The following TAPT1 variants were observed in gnomAD, a reference collection of about 807,000 sequenced individuals.
The protein encoded by TAPT1 is transmembrane anterior posterior transformation 1.
TAPT1 carries 28 observed loss-of-function variants against 65.6 expected under a neutral mutation model. The observed-to-expected ratio is 0.43, with a 90% CI of 0.32 to 0.59. The LOEUF is 0.59. TAPT1 is among the 20% of genes least tolerant of loss of function. The pLI is 0.09. For synonymous variants in TAPT1, 278 were observed against 245.2 expected (o/e 1.13, Z -1.25); for missense variants, 563 against 679.9 (o/e 0.83, Z 1.91).
At chr4:16,203,554 G>A (rs1329295609) in intron 2 of TAPT1, among the ~76,000 whole-genome samples, 1 of 152,186 alleles carries the variant, frequency 6.6e-6, no homozygotes, top group South Asian at 2.1e-4. Flanking sequence ...ATTAGGGTGG[G>A]CCCTAATCCA....
chr4:16,197,851 A>C (rs1226027296), intron 3 of TAPT1, among the ~76,000 whole-genome samples: 3 of 152,146 alleles, frequency 2.0e-5, no homozygotes, highest in African/African-American at 7.2e-5. Context: ...TGCATTTTCT[A>C]ATTTTTTTTT....
intron 3 of TAPT1, among the ~76,000 whole-genome samples, chr4:16,193,566 C>G (rs1749513449): frequency 6.6e-6 from 1 of 152,184 alleles, no homozygotes; most frequent in South Asian, 2.1e-4. Flanking sequence ...AAGATAATTT[C>G]CTGCCCTTAT....
At chr4:16,174,975 C>A in intron 9 of TAPT1, 1 of 306,918 alleles carries the variant, frequency 3.3e-6, no homozygotes. Context: ...AATAAATATC[C>A]AACGACTATG....
chr4:16,220,922 C>T (rs538535169), intron 1 of TAPT1, among the ~76,000 whole-genome samples: 1 of 151,874 alleles, frequency 6.6e-6, no homozygotes, highest in African/African-American at 2.4e-5. Flanking sequence ...TTTATAGAGA[C>T]AGGGTTTCAC....
At chr4:16,177,096 T>C (rs2149677422) in intron 8 of TAPT1, among the ~76,000 whole-genome samples, 1 of 152,346 alleles carries the variant, frequency 6.6e-6, no homozygotes, top group South Asian at 2.1e-4. Flanking sequence ...AACCATAGTT[T>C]ACAATAATCT....
chr4:16,207,004 C>T (rs1217910957), intron 2 of TAPT1, among the ~76,000 whole-genome samples: 5 of 152,040 alleles, frequency 3.3e-5, no homozygotes, highest in African/African-American at 1.2e-4. Flanking sequence ...GTGTGACAAG[C>T]CTCGGAGAGA....
Position 16,166,676 on chromosome 4 carries a change from G to T in TAPT1, c.1431C>A (p.Gly477=). Residue 477 remains glycine (G), a synonymous_variant, in exon 13 of 14, where the codon GGC becomes GGA. Transcript: ENST00000405303. ...LSNPPATCTP[G]KPSSKSQNKC... ...TGTTCTGTGATTTACTGGACGGCTT[G>T]CCTGGAGTGCAGGTTGCGGGAGGAT... 6.2e-7 allele frequency: 1 copy of T among 1,614,022 alleles called. No homozygotes were observed. The highest frequency in any genetic ancestry group is 8.5e-7 in the Non-Finnish European group (1 of 1,179,878).
intron 2 of TAPT1, among the ~76,000 whole-genome samples, chr4:16,213,168 C>T (rs1179416114): frequency 6.6e-6 from 1 of 152,138 alleles, no homozygotes; most frequent in Non-Finnish European, 1.5e-5. Flanking sequence ...TCTAGCATCG[C>T]CTAGGGGAGA....
chr4:16,225,630 A>G (rs1298798516), intron 1 of TAPT1, among the ~76,000 whole-genome samples: 2 of 152,264 alleles, frequency 1.3e-5, no homozygotes, highest in African/African-American at 4.8e-5. Context: ...AAAACTGGTC[A>G]TTGAATGTAG....
chr4:16,208,045 G>A (rs1750445892), intron 2 of TAPT1, among the ~76,000 whole-genome samples: 1 of 152,126 alleles, frequency 6.6e-6, no homozygotes, highest in South Asian at 2.1e-4. Flanking sequence ...AAAGAATATT[G>A]CTAAAAGGCT....
Position 16,186,601 on chromosome 4 carries a change from C to T in TAPT1, c.850G>A (p.Val284Ile). ...LLTIMMSNNF[V>I]EIKGSVFKKF... ...TTGAAAACACTTCCTTTAATTTCAA[C>T]AAACTGAAATAGTAAACAGAAATAC... Residue 284 changes from valine to isoleucine, a missense_variant, in exon 7 of 14, where the codon GTT becomes ATT. This residue lies in a region of TAPT1 where 217 missense variants were observed against 317.5 expected (regional missense o/e 0.68). Transcript: ENST00000405303. 1 of 1,524,572 alleles carries T rather than the reference C, an allele frequency of 6.6e-7. No individual in the cohort carries two copies. Among genetic ancestry groups the T allele is most frequent in the Non-Finnish European group, 8.9e-7 (1 of 1,122,110 alleles). The allele number at this position is 1,524,572 out of a possible 1,614,324, so 94.4% of individuals were successfully genotyped here.
chr4:16,165,193 T>C (rs894117171), intron 13 of TAPT1, among the ~76,000 whole-genome samples: 2 of 152,188 alleles, frequency 1.3e-5, no homozygotes, highest in Admixed American at 1.3e-4. Context: ...TGTAGTTACA[T>C]GAGGCCTTGA....
At chr4:16,169,415 C>T (rs1330852533) in intron 12 of TAPT1, among the ~76,000 whole-genome samples, 4 of 152,162 alleles carry the variant, frequency 2.6e-5, no homozygotes, top group Admixed American at 6.5e-5. Context: ...AACACCACTT[C>T]GTAAACACAG....
intron 13 of TAPT1, 103 bp downstream of exon 13, chr4:16,166,530 T>A (rs567296380): frequency 7.0e-7 from 1 of 1,427,628 alleles, no homozygotes; most frequent in Non-Finnish European, 9.7e-7. Flanking sequence ...CAAAAATCTA[T>A]GCAAAGGGAA....
chr4:16,204,368 T>C (rs1413899071), intron 2 of TAPT1, among the ~76,000 whole-genome samples: 1 of 152,226 alleles, frequency 6.6e-6, no homozygotes, highest in Non-Finnish European at 1.5e-5. Flanking sequence ...GGGAACACAC[T>C]GGGAAGTTCT....
chr4:16,196,872 A>C (rs1560173893), intron 3 of TAPT1: 2 of 430,414 alleles, frequency 4.6e-6, no homozygotes, highest in Non-Finnish European at 9.2e-6. Context: ...AGCCACATAG[A>C]TCAGCCCTGG....
chr4:16,226,312 G>T lies in TAPT1; in HGVS notation c.146C>A (p.Thr49Lys). ...CCGGTCGCTCTCGTAGAAGCCCAGC[G>T]TCTCTGTGAGCTGAGGCGCCGGCGG... ...GPPPAPQLTE[T>K]LGFYESDRRR... The change falls in exon 1 of 14, where the codon ACG becomes AAG. Residue 49 changes from threonine (T) to lysine (K), a missense_variant. By Grantham distance (78) the Thr-to-Lys change is moderately conservative. Coordinates refer to ENST00000405303, the MANE Select transcript of TAPT1 (RefSeq NM_153365.3). The T allele has an allele frequency of 8.9e-7, 1 of 1,127,640 alleles. No individual in the cohort carries two copies. 69.9% of individuals were successfully genotyped at this position (1,127,640 alleles called of 1,614,324 possible).
chr4:16,188,597 A>C (rs893922501), intron 4 of TAPT1, among the ~76,000 whole-genome samples: 1 of 152,222 alleles, frequency 6.6e-6, no homozygotes, highest in East Asian at 1.9e-4. Context: ...GTAACAAAGA[A>C]AGTCTTAAAT....
At position 16,161,354 on chromosome 4, in the gene TAPT1, G is replaced by A. The variant is rs973163771; in HGVS notation, c.*1954C>T. The A allele has an allele frequency of 6.6e-6, 1 of 152,590 alleles. No homozygotes were observed. The highest frequency in any genetic ancestry group is 1.5e-5 in the Non-Finnish European group (1 of 68,034). The allele number at this position is 152,590 out of a possible 1,614,324, so 9.5% of individuals were successfully genotyped here. A position where few individuals can be genotyped will look rare whatever the true frequency, so the allele number is the denominator to read the frequency against. On this transcript the variant is annotated 3_prime_UTR_variant, in exon 14 of 14. Coordinates refer to ENST00000405303, the MANE Select transcript of TAPT1 (RefSeq NM_153365.3). ...CACACAAGATGCACTTATAAAATTA[G>A]TACTGAATGCCATTAAAACAGAAGA...
Sources: allele counts gnomAD v4.1 joint callset (sites outside exome capture counted in the v4.1 genomes callset), GRCh38; gene constraint gnomAD v4.1.1; regional missense constraint gnomAD v4.1.1; transcripts MANE v1.5; gene names NCBI Gene and HGNC (gene_info 2026-07-23, HGNC 2026-07-21).